Variants in COLEC12 observed in about 807,000 individuals in gnomAD.
COLEC12 encodes collectin-12.
COLEC12 carries 33 observed loss-of-function variants against 71.1 expected under a neutral mutation model. The observed-to-expected ratio is 0.46, with a 90% CI of 0.35 to 0.62. COLEC12 has a LOEUF of 0.62. Among genes scored for constraint, COLEC12 ranks in the 20% least tolerant of loss-of-function variants. The pLI is 0.00. For synonymous variants in COLEC12, 350 were observed against 353.0 expected (o/e 0.99, Z 0.10); for missense variants, 765 against 916.1 (o/e 0.84, Z 2.13).
At chr18:467,134 C>T (rs932884085) in intron 2 of COLEC12, among the ~76,000 whole-genome samples, 1 of 152,220 alleles carries the variant, frequency 6.6e-6, no homozygotes, top group African/African-American at 2.4e-5. Flanking sequence ...TGCCCTCTTT[C>T]CTTCCTTTCT....
chr18:442,390 C>T (rs1315473073), intron 2 of COLEC12, among the ~76,000 whole-genome samples: 1 of 152,212 alleles, frequency 6.6e-6, no homozygotes, highest in African/African-American at 2.4e-5. Context: ...ACAGCGAAGC[C>T]TGGCCCAGTG....
intron 2 of COLEC12, among the ~76,000 whole-genome samples, chr18:367,401 A>G (rs1420710683): frequency 6.6e-6 from 1 of 152,100 alleles, no homozygotes; most frequent in Admixed American, 6.6e-5. Flanking sequence ...TTTGATGGGG[A>G]AAAAAAGTGG....
chr18:376,716 A>T (rs1347676655), intron 2 of COLEC12, among the ~76,000 whole-genome samples: 1 of 152,182 alleles, frequency 6.6e-6, no homozygotes, highest in East Asian at 1.9e-4. Context: ...CTTGATGAGA[A>T]TCCTACATTT....
chr18:428,405 T>C (rs1916238936), intron 2 of COLEC12, among the ~76,000 whole-genome samples: 1 of 152,222 alleles, frequency 6.6e-6, no homozygotes, highest in Non-Finnish European at 1.5e-5. Flanking sequence ...ACATTTGGTG[T>C]GAGATGAGAA....
intron 3 of COLEC12, among the ~76,000 whole-genome samples, chr18:353,668 A>G (rs188120937): frequency 3.9e-5 from 6 of 152,362 alleles, no homozygotes; most frequent in African/African-American, 1.4e-4. Context: ...CTGAGGACAG[A>G]GCACAGAGCT....
At chr18:442,034 CACACACACACACACACACAG>C (rs1916552232) in intron 2 of COLEC12, among the ~76,000 whole-genome samples, 1 of 148,236 alleles carries the variant, frequency 6.7e-6, no homozygotes, top group Non-Finnish European at 1.5e-5. Context: ...CACACACACA[CACACACACACACACACACAG>C]CTTCTGATGA....
At chr18:364,296 C>G (rs928880658) in intron 2 of COLEC12, among the ~76,000 whole-genome samples, 11 of 152,192 alleles carry the variant, frequency 7.2e-5, no homozygotes, top group African/African-American at 2.7e-4. Context: ...TATGCAGTGT[C>G]TGCCAGAATA....
chr18:418,789 A>G (rs1171532846), intron 2 of COLEC12, among the ~76,000 whole-genome samples: 1 of 152,262 alleles, frequency 6.6e-6, no homozygotes, highest in Non-Finnish European at 1.5e-5. Flanking sequence ...CTTGTTGAGC[A>G]TATCATCAAG....
At chr18:459,572 T>A (rs1916937898) in intron 2 of COLEC12, among the ~76,000 whole-genome samples, 1 of 152,226 alleles carries the variant, frequency 6.6e-6, no homozygotes, top group Non-Finnish European at 1.5e-5. Flanking sequence ...CCTAAAACTC[T>A]ACTAAAGCCA....
rs202095805 is a variant in COLEC12, at chr18:334,753, G to A, written c.1805C>T (p.Pro602Leu). ...GGGCTTGGACTTACCATTGTCCTCC[G>A]GTGCTGGGGTTGGCTCATTCTGCAG... ...LALQNEPTPA[P>L]EDNGCPPHWK... The change falls in exon 6 of 10, where the codon CCG becomes CTG. Residue 602 changes from proline (P) to leucine (L), a missense_variant. Transcript: ENST00000400256. The A allele has an allele frequency of 6.6e-5, 97 of 1,468,976 alleles. 1 individual carries two copies. The East Asian group carries it at 1.9e-3, about 30-fold the overall frequency. The allele number at this position is 1,468,976 out of a possible 1,614,324, so 91.0% of individuals were successfully genotyped here.
Position 492,376 on chromosome 18 carries a change from T to C in COLEC12, c.7+8132A>G, listed in dbSNP as rs565359323. 4.6e-5 allele frequency among the ~76,000 whole-genome samples: 7 copies of C among 152,276 alleles called. No individual in the cohort carries two copies. In the South Asian group the frequency reaches 1.0e-3, roughly 23 times the overall value. On this transcript the variant is annotated intron_variant, in intron 1 of 9. Transcript: ENST00000400256. ...AACTGAGAAAGGGTGTTTTTGTTAC[T>C]TTTACCCCTAAGTTGGCAGTGGGGG...
chr18:323,555 G>C (rs145473299), intron 8 of COLEC12, among the ~76,000 whole-genome samples: 7 of 152,334 alleles, frequency 4.6e-5, no homozygotes, highest in Non-Finnish European at 2.9e-5. Context: ...GATGAAGTTG[G>C]AAAGAAAAGT....
At position 318,032 on chromosome 18, in the gene COLEC12, A is replaced by C. The variant is rs9966280; in HGVS notation, c.*2013T>G. 6.8e-6 allele frequency: 1 copy of C among 146,540 alleles called. No individual in the cohort carries two copies. The highest frequency in any genetic ancestry group is 6.8e-5 in the Admixed American group (1 of 14,794). 9.1% of individuals were successfully genotyped at this position (146,540 alleles called of 1,614,324 possible). ...CGCTCTGTCGCCCAGGCTGGAGTGC[A>C]GTGGCGCGATCTCGGCTCACTGCAA... On this transcript the variant is annotated 3_prime_UTR_variant, in exon 10 of 10. Coordinates refer to ENST00000400256, the MANE Select transcript of COLEC12 (RefSeq NM_130386.3).
chr18:433,195 T>G (rs1240426970), intron 2 of COLEC12, among the ~76,000 whole-genome samples: 1 of 152,076 alleles, frequency 6.6e-6, no homozygotes, highest in Non-Finnish European at 1.5e-5. Context: ...AGGCTGAAAA[T>G]AAGAAGCAGC....
intron 2 of COLEC12, among the ~76,000 whole-genome samples, chr18:461,242 G>A (rs1916977624): frequency 6.6e-6 from 1 of 151,860 alleles, no homozygotes; most frequent in Admixed American, 6.6e-5. Flanking sequence ...TTTTCTAGTA[G>A]CAATATTAAA....
At position 399,192 on chromosome 18, in the gene COLEC12, C is replaced by T. The variant is rs1915629893; in HGVS notation, c.59-41670G>A. ...AATCTGAAACACTATCCAAAAAACG[C>T]ACAGCGGTGTCTGAAGTTGAGATTT... On this transcript the variant is annotated intron_variant, in intron 2 of 9. Coordinates refer to ENST00000400256, the MANE Select transcript of COLEC12 (RefSeq NM_130386.3). The surrounding 1 kb of genome is among the most constrained non-coding windows in gnomAD (Gnocchi z 4.0). Among the ~76,000 whole-genome samples, 1 of 152,236 alleles carries T rather than the reference C, an allele frequency of 6.6e-6. No individual in the cohort carries two copies. The highest frequency in any genetic ancestry group is 1.9e-4 in the East Asian group (1 of 5,202).
Position 333,538 on chromosome 18 carries a change from C to G in COLEC12, c.1817-395G>C, listed in dbSNP as rs116838681. Reference sequence around the variant, plus strand: ...CACCAAAACTGGGCTCACGGATCAACAAAAATAACCCGGGCCTCACCGACC... The same window carrying G: ...CACCAAAACTGGGCTCACGGATCAAGAAAAATAACCCGGGCCTCACCGACC... On this transcript the variant is annotated intron_variant, in intron 6 of 9. Transcript: ENST00000400256. The G allele has an allele frequency of 5.7e-3, 907 of 159,246 alleles. 10 individuals carry two copies. The highest frequency in any genetic ancestry group is 0.021 in the African/African-American group (874 of 41,790). The allele number at this position is 159,246 out of a possible 1,614,324, so 9.9% of individuals were successfully genotyped here. A position where few individuals can be genotyped will look rare whatever the true frequency, so the allele number is the denominator to read the frequency against.
chr18:375,222 C>T (rs1915087084), intron 2 of COLEC12, among the ~76,000 whole-genome samples: 1 of 152,190 alleles, frequency 6.6e-6, no homozygotes, highest in Admixed American at 6.5e-5. Context: ...ACACTGTCTG[C>T]CTCCAAAGCT....
chr18:464,960 G>A (rs937826486), intron 2 of COLEC12, among the ~76,000 whole-genome samples: 58 of 152,194 alleles, frequency 3.8e-4, no homozygotes, highest in African/African-American at 1.4e-3. Flanking sequence ...GGTTCTAGAC[G>A]CTCCCATCAC....
Sources: allele counts gnomAD v4.1 joint callset (sites outside exome capture counted in the v4.1 genomes callset), GRCh38; gene constraint gnomAD v4.1.1; non-coding constraint Gnocchi (gnomAD v3.1); transcripts MANE v1.5; gene names NCBI Gene and HGNC (gene_info 2026-07-23, HGNC 2026-07-21).